Variants in ARID1A observed in about 807,000 individuals in gnomAD.
ARID1A encodes AT-rich interaction domain 1A.
In ARID1A, 20 loss-of-function variants were observed where a neutral mutation model predicts 212.6. The ratio of observed to expected loss-of-function variants is 0.09; its 90% CI spans 0.07 to 0.14. The LOEUF is 0.14. Ranked by LOEUF, ARID1A falls within the 10% of genes least tolerant of loss-of-function variation. The pLI, the probability that ARID1A is intolerant of heterozygous loss-of-function variation, is 1.00. For missense variants in ARID1A, 2,587 were observed against 3,059.0 expected (o/e 0.85, Z 3.64); for synonymous variants, 1,376 against 1,222.1 (o/e 1.13, Z -2.63).
At chr1:26,707,589 G>A (rs1328328977) in intron 1 of ARID1A, among the ~76,000 whole-genome samples, 2 of 151,736 alleles carry the variant, frequency 1.3e-5, no homozygotes, top group Admixed American at 6.6e-5. Flanking sequence ...GTGATCCGCC[G>A]GCTTTGACCT....
intron 1 of ARID1A, among the ~76,000 whole-genome samples, chr1:26,721,403 G>T (rs1314155835): frequency 6.6e-6 from 1 of 152,122 alleles, no homozygotes; most frequent in Non-Finnish European, 1.5e-5. Context: ...GTAGAGACCA[G>T]GTTTCACCAT....
chr1:26,775,680 C>T lies in ARID1A; in HGVS notation c.5097C>T (p.Asn1699=). The T allele has an allele frequency of 6.2e-7, 1 of 1,614,220 alleles. No individual in the cohort carries two copies. The highest frequency in any genetic ancestry group is 8.5e-7 in the Non-Finnish European group (1 of 1,180,034). The change falls in exon 19 of 20, where the codon AAC becomes AAT. Residue 1699 remains asparagine (N), a synonymous_variant. Coordinates refer to ENST00000324856, the MANE Select transcript of ARID1A (RefSeq NM_006015.6). The stretch of plus-strand genomic sequence containing the variant: ...TCAACATCCTGCTGTATGATGACAA[C>T]AGCATCATGACCTTCAACCTCAGTC... The part of the protein sequence containing the change: ...DTINILLYDD[N]SIMTFNLSQL...
chr1:26,770,479 CA>C (rs1322927851), intron 11 of ARID1A: 2 of 152,100 alleles, frequency 1.3e-5, no homozygotes, highest in African/African-American at 4.8e-5. Context: ...GATTTAGGGC[CA>C]GGCGCGGTGG....
rs1462055512 is a variant in ARID1A, at chr1:26,780,819, T to C, written c.*63T>C. 4 of 1,505,520 alleles carry C rather than the reference T, an allele frequency of 2.7e-6. No individual in the cohort carries two copies. The highest frequency in any genetic ancestry group is 3.5e-6 in the Non-Finnish European group (4 of 1,129,480). 93.3% of individuals were successfully genotyped at this position (1,505,520 alleles called of 1,614,324 possible). A position where few individuals can be genotyped will look rare whatever the true frequency, so the allele number is the denominator to read the frequency against. On this transcript the variant is annotated 3_prime_UTR_variant, in exon 20 of 20. Transcript: ENST00000324856. This position sits in a 1 kb window ranked among gnomAD's most constrained non-coding sequence, Gnocchi z 7.2. ...GTGTGTGGAGAACTTAGAAACTGACTGTTGCCCTTTATTTATGCAAAACCA... is the reference window on the plus strand; with the variant it reads ...GTGTGTGGAGAACTTAGAAACTGACCGTTGCCCTTTATTTATGCAAAACCA...
Position 26,696,712 on chromosome 1 carries a change from G to C in ARID1A, c.309G>C (p.Ser103=), listed in dbSNP as rs2080259019. Residue 103 remains serine (S), a synonymous_variant, in exon 1 of 20, where the codon TCG becomes TCC. Transcript: ENST00000324856. The part of the protein sequence containing the change: ...GPGAEPDLKN[S]NGNAGPRPAL... ...GCGCGGAGCCGGACCTGAAGAACTC[G>C]AACGGGAACGCGGGCCCTAGGCCCG... The C allele has an allele frequency of 2.9e-6, 4 of 1,366,694 alleles. No individual in the cohort carries two copies. The highest frequency in any genetic ancestry group is 3.8e-6 in the Non-Finnish European group (4 of 1,060,324). The allele number at this position is 1,366,694 out of a possible 1,614,324, so 84.7% of individuals were successfully genotyped here. A position where few individuals can be genotyped will look rare whatever the true frequency, so the allele number is the denominator to read the frequency against.
chr1:26,739,538 G>A (rs1357676979), intron 4 of ARID1A, among the ~76,000 whole-genome samples: 2 of 152,212 alleles, frequency 1.3e-5, no homozygotes, highest in Non-Finnish European at 2.9e-5. Flanking sequence ...GGAAGCCACA[G>A]CGGTAACTAG....
At position 26,772,585 on chromosome 1, in the gene ARID1A, T is replaced by C. The variant is rs1261124360; in HGVS notation, c.3492T>C (p.Thr1164=). 6.2e-7 allele frequency: 1 copy of C among 1,614,084 alleles called. No homozygotes were observed. ...AAGGAGGAGACTTAAAGCCACCAAC[T>C]CCAGCATCCACACCACACAGTCAGA... ...MAEGGDLKPP[T]PASTPHSQIP... is the part of the protein sequence containing the mutation. The change falls in exon 13 of 20, where the codon ACT becomes ACC. Residue 1164 remains threonine (T), a synonymous_variant. Coordinates refer to ENST00000324856, the MANE Select transcript of ARID1A (RefSeq NM_006015.6).
chr1:26,763,381 G>A, intron 8 of ARID1A, 96 bp downstream of exon 8: 1 of 1,351,640 alleles, frequency 7.4e-7, no homozygotes, highest in South Asian at 1.5e-5. Flanking sequence ...ACCAGGGGGG[G>A]AAAATGGGTG....
At chr1:26,711,823 C>T (rs1295711917) in intron 1 of ARID1A, among the ~76,000 whole-genome samples, 1 of 152,124 alleles carries the variant, frequency 6.6e-6, no homozygotes, top group East Asian at 1.9e-4. Flanking sequence ...TGGCTCATGC[C>T]TGTAATCCAA....
chr1:26,697,623 G>A, intron 1 of ARID1A, 83 bp downstream of exon 1: 2 of 1,220,560 alleles, frequency 1.6e-6, no homozygotes, highest in Non-Finnish European at 1.0e-6. Context: ...CCACAGCCTT[G>A]GGCTCCCCTC....
rs2124120700 is a variant in ARID1A, at chr1:26,774,812, A to G, written c.4585A>G (p.Thr1529Ala). ...CCCCGCCTATCATGGCGTGAACCGA[A>G]CAGATGAAATGCTGCACACAGATCA... is the stretch of plus-strand genomic sequence containing the variant. ...QGPAYHGVNR[T>A]DEMLHTDQRA... Residue 1529 changes from threonine to alanine, a missense_variant, in exon 18 of 20, where the codon ACA becomes GCA. Transcript: ENST00000324856. The surrounding 1 kb of genome is among the most constrained non-coding windows in gnomAD (Gnocchi z 5.6). The G allele has an allele frequency of 6.2e-7, 1 of 1,614,040 alleles. No homozygotes were observed. The highest frequency in any genetic ancestry group is 8.5e-7 in the Non-Finnish European group (1 of 1,179,958).
chr1:26,742,292 G>A (rs1273462029), intron 4 of ARID1A, among the ~76,000 whole-genome samples: 1 of 152,230 alleles, frequency 6.6e-6, no homozygotes, highest in Non-Finnish European at 1.5e-5. Flanking sequence ...GAAAGAGCGA[G>A]TGGTAGGAAA....
At chr1:26,737,479 G>A (rs1570581775) in intron 4 of ARID1A, among the ~76,000 whole-genome samples, 1 of 152,240 alleles carries the variant, frequency 6.6e-6, no homozygotes, top group East Asian at 1.9e-4. Context: ...TGACCTCTGT[G>A]CCCCCAGTAC....
intron 1 of ARID1A, among the ~76,000 whole-genome samples, chr1:26,718,524 T>C (rs1359075351): frequency 1.3e-5 from 2 of 152,174 alleles, no homozygotes; most frequent in Non-Finnish European, 2.9e-5. Context: ...AGGGGGTTGG[T>C]TCCAGGACTC....
chr1:26,779,030 G>C lies in ARID1A; in HGVS notation c.5132G>C (p.Gly1711Ala), dbSNP rs2081164007. ...TGTTCTTTCTCTTTTTAGCTCCCAG[G>C]GTTGCTAGAGCTCCTTGTAGAATAT... ...IMTFNLSQLP[G>A]LLELLVEYFR... is the part of the protein sequence containing the mutation. Residue 1711 changes from glycine (G) to alanine (A), a missense_variant, in exon 20 of 20, where the codon GGG (glycine) becomes GCG (alanine). By Grantham distance (60) the Gly-to-Ala change is moderately conservative (BLOSUM62 0). Coordinates refer to ENST00000324856, the MANE Select transcript of ARID1A (RefSeq NM_006015.6). The C allele has an allele frequency of 8.7e-6, 13 of 1,500,812 alleles. No homozygotes were observed. The highest frequency in any genetic ancestry group is 1.2e-5 in the Non-Finnish European group (13 of 1,124,294). 93.0% of individuals were successfully genotyped at this position (1,500,812 alleles called of 1,614,324 possible).
intron 1 of ARID1A, among the ~76,000 whole-genome samples, chr1:26,721,944 CCTT>C (rs1392084972): frequency 6.6e-6 from 1 of 152,136 alleles, no homozygotes; most frequent in Non-Finnish European, 1.5e-5. Context: ...CTTTTGGTCT[CCTT>C]CTTCTAACCT....
intron 4 of ARID1A, among the ~76,000 whole-genome samples, chr1:26,738,275 G>A (rs556339996): frequency 5.9e-5 from 9 of 151,970 alleles, no homozygotes; most frequent in South Asian, 2.1e-4. Context: ...CACCCGCCTC[G>A]GCCTCCCAAG....
chr1:26,707,247 C>G (rs1362991030), intron 1 of ARID1A, among the ~76,000 whole-genome samples: 1 of 111,458 alleles, frequency 9.0e-6, no homozygotes, highest in Non-Finnish European at 1.7e-5. Flanking sequence ...CTTGTTCTAT[C>G]GCCCAGGCTG....
intron 4 of ARID1A, among the ~76,000 whole-genome samples, chr1:26,734,915 G>C (rs2080714677): frequency 6.6e-6 from 1 of 152,074 alleles, no homozygotes; most frequent in African/African-American, 2.4e-5. Context: ...ATTTCACATT[G>C]CTCTCCTTAC....
Sources: allele counts gnomAD v4.1 joint callset (sites outside exome capture counted in the v4.1 genomes callset), GRCh38; gene constraint gnomAD v4.1.1; non-coding constraint Gnocchi (gnomAD v3.1); transcripts MANE v1.5; gene names NCBI Gene and HGNC (gene_info 2026-07-23, HGNC 2026-07-21).